The following GOLGA3 variants were observed in gnomAD, a reference collection of about 807,000 sequenced individuals.
The protein encoded by GOLGA3 is golgin A3.
Under a neutral mutation model 169.4 loss-of-function variants are expected in GOLGA3, and 75 were observed. That is an observed-to-expected ratio of 0.44 (90% CI 0.37 to 0.54). The LOEUF is 0.54. GOLGA3 is among the 20% of genes least tolerant of loss of function. The pLI, the probability that GOLGA3 is intolerant of heterozygous loss-of-function variation, is 0.00. For missense variants in GOLGA3, 1,899 were observed against 1,930.0 expected, an observed-to-expected ratio of 0.98 and a Z score of 0.30; for synonymous variants, 824 against 822.4, an observed-to-expected ratio of 1.00 and a Z score of -0.03.
intron 1 of GOLGA3, among the ~76,000 whole-genome samples, chr12:132,825,201 G>C (rs906348325): frequency 6.6e-6 from 1 of 151,870 alleles, no homozygotes; most frequent in African/African-American, 2.4e-5. Flanking sequence ...GTGTGCCTAC[G>C]CGTGCAGACC....
rs373910510 is a variant in GOLGA3, at chr12:132,821,989, G to T, written c.133+7C>A. The T allele has an allele frequency of 1.8e-5, 29 of 1,593,060 alleles. No individual in the cohort carries two copies. In the African/African-American group the frequency reaches 3.6e-4, roughly 20 times the overall value. On this transcript the variant is annotated splice_region_variant and intron_variant, in intron 2 of 23. Coordinates refer to ENST00000450791, the MANE Select transcript of GOLGA3 (RefSeq NM_001389683.1). ...TGACCAGCACACAGAGGAACCTCAC[G>T]ACTTACACTGGACTTTGTCCTGCTG...
At chr12:132,805,918 C>CA (rs148381921) in intron 6 of GOLGA3, among the ~76,000 whole-genome samples, 3,538 of 152,158 alleles carry the variant, frequency 0.023, 88 homozygotes, top group Admixed American at 0.043. Context: ...GGGAAATGGG[C>CA]AAAAAACACA....
In GOLGA3 at chr12:132,777,845, C is replaced by T. The variant is rs201012613; in HGVS notation, c.3583-40G>A. On this transcript the variant is annotated intron_variant, in intron 18 of 23. Transcript: ENST00000450791. The surrounding 1 kb of genome is among the most constrained non-coding windows in gnomAD (Gnocchi z 4.7). ...GCCACGTTGTCCATGCCCTGCGTGA[C>T]ACCCACAGCTTTATGACGTGCCGGG... 851 of 1,608,388 alleles carry T rather than the reference C, an allele frequency of 5.3e-4. 1 individual carries two copies. Among genetic ancestry groups the T allele is most frequent in the Non-Finnish European group, 6.5e-4 (766 of 1,177,368 alleles).
At chr12:132,783,674 T>G (rs1382237045) in intron 16 of GOLGA3, among the ~76,000 whole-genome samples, 1 of 152,078 alleles carries the variant, frequency 6.6e-6, no homozygotes, top group African/African-American at 2.4e-5. Context: ...CGCTCCTGGG[T>G]TCAAGCGGTT....
Position 132,822,176 on chromosome 12 carries a change from C to T in GOLGA3, c.-48G>A, listed in dbSNP as rs1226309501. On this transcript the variant is annotated 5_prime_UTR_variant, in exon 2 of 24. Transcript: ENST00000450791. The stretch of plus-strand genomic sequence containing the variant: ...CTGACGCTGAGGGGCTACAAGTGAA[C>T]CTTGGACAAGCTTGGCTTCTGCCAT... 1.9e-6 allele frequency: 3 copies of T among 1,565,848 alleles called. No homozygotes were observed. Among genetic ancestry groups the T allele is most frequent in the Non-Finnish European group, 2.6e-6 (3 of 1,164,332 alleles).
At chr12:132,787,546 C>T (rs1225049814) in intron 13 of GOLGA3, among the ~76,000 whole-genome samples, 1 of 140,398 alleles carries the variant, frequency 7.1e-6, no homozygotes, top group Non-Finnish European at 1.6e-5. Flanking sequence ...ACCCCTCCCC[C>T]AGAGCCCCCA....
At position 132,806,390 on chromosome 12, in the gene GOLGA3, C is replaced by A. The variant is rs970757767; in HGVS notation, c.1290+787G>T. 2.6e-5 allele frequency among the ~76,000 whole-genome samples: 4 copies of A among 152,222 alleles called. No individual in the cohort carries two copies. In the South Asian group the frequency reaches 8.3e-4, roughly 32 times the overall value. ...GTGACGACCGTACAACCAGAATTAGCCTCAAAACAGCCGAAATCACCTCTT... is the reference window on the plus strand; with the variant it reads ...GTGACGACCGTACAACCAGAATTAGACTCAAAACAGCCGAAATCACCTCTT... On this transcript the variant is annotated intron_variant, in intron 6 of 23. Transcript: ENST00000450791.
At chr12:132,812,224 TATATA>T (rs760921812) in intron 4 of GOLGA3, among the ~76,000 whole-genome samples, 6 of 128,406 alleles carry the variant, frequency 4.7e-5, no homozygotes, top group East Asian at 2.1e-4. Context: ...TATATATATA[TATATA>T]TTTTTTTTAA....
rs754076966 is a variant in GOLGA3 at position 132,807,168 on chromosome 12, G to A, written c.1290+9C>T. 38 of 1,559,002 alleles carry A rather than the reference G, an allele frequency of 2.4e-5. No individual in the cohort carries two copies. Among genetic ancestry groups the A allele is most frequent in the African/African-American group, 6.8e-5 (5 of 73,992 alleles). On this transcript the variant is annotated intron_variant, in intron 6 of 23. Transcript: ENST00000450791. ...CCGCACGCTGAGATGTCAGTCGAAC[G>A]TCCGTTACCTGACTCGCCTCCAGTG...
At chr12:132,788,929 CCAGACACAGG>C in intron 13 of GOLGA3, 88 bp downstream of exon 13, 1 of 1,000,216 alleles carries the variant, frequency 1.0e-6, no homozygotes. Context: ...AGACCCCGCC[CCAGACACAGG>C]CCCCGCCCCA....
intron 15 of GOLGA3, among the ~76,000 whole-genome samples, chr12:132,785,125 C>T (rs184898171): frequency 1.4e-4 from 22 of 152,298 alleles, no homozygotes; most frequent in Admixed American, 3.3e-4. Flanking sequence ...GGGTGAAGCC[C>T]GGACGGACAC....
Position 132,804,204 on chromosome 12 carries a change from G to A in GOLGA3, c.1597+512C>T, listed in dbSNP as rs11611651. On this transcript the variant is annotated intron_variant, in intron 7 of 23. Transcript: ENST00000450791. This position sits in a 1 kb window ranked among gnomAD's most constrained non-coding sequence, Gnocchi z 4.1. Reference sequence around the variant, plus strand: ...AAAAGGTTGCCAGACGGACAGTCAAGGAGCTGTTCTTGAATATTTTAAATG... The same window carrying A: ...AAAAGGTTGCCAGACGGACAGTCAAAGAGCTGTTCTTGAATATTTTAAATG... Among the ~76,000 whole-genome samples, 9,031 of 152,312 alleles carry A rather than the reference G, an allele frequency of 0.059. 368 individuals carry two copies. Among genetic ancestry groups the A allele is most frequent in the East Asian group, 0.14 (714 of 5,178 alleles).
chr12:132,801,162 C>T (rs1368129127), intron 8 of GOLGA3, among the ~76,000 whole-genome samples: 2 of 152,206 alleles, frequency 1.3e-5, no homozygotes, highest in African/African-American at 4.8e-5. Flanking sequence ...CCCACATATG[C>T]GGGACCAAGC....
chr12:132,773,310 G>A lies in GOLGA3; in HGVS notation c.4308-16C>T. 1.5e-6 allele frequency: 2 copies of A among 1,353,992 alleles called. No homozygotes were observed. Among genetic ancestry groups the A allele is most frequent in the East Asian group, 2.9e-5 (1 of 34,948 alleles). The allele number at this position is 1,353,992 out of a possible 1,614,324, so 83.9% of individuals were successfully genotyped here. On this transcript the variant is annotated splice_polypyrimidine_tract_variant and intron_variant, in intron 23 of 23. Transcript: ENST00000450791. Reference sequence around the variant, plus strand: ...CATCTCCTGCCTGGGACAGAAGAAGGAGGAAGAAGGCCCAGATCACACAAG... The same window carrying A: ...CATCTCCTGCCTGGGACAGAAGAAGAAGGAAGAAGGCCCAGATCACACAAG...
chr12:132,792,225 T>C, intron 11 of GOLGA3, among the ~76,000 whole-genome samples: 1 of 152,128 alleles, frequency 6.6e-6, no homozygotes, highest in East Asian at 1.9e-4. Flanking sequence ...ACTGACAGCA[T>C]GAAGGCACAG....
At chr12:132,820,782 A>G (rs1566146558) in intron 2 of GOLGA3, among the ~76,000 whole-genome samples, 1 of 152,088 alleles carries the variant, frequency 6.6e-6, no homozygotes, top group Non-Finnish European at 1.5e-5. Flanking sequence ...TAGCTATTAC[A>G]AATTCAGCAA....
rs5801992 is a variant in GOLGA3 at position 132,798,179 on chromosome 12, T to TGGGG, written c.1938+157_1938+160dup. ...GCCCCCACAGGTGAGGGATGAGGGGTGGGGGGGGGGTCCCAAAGCCTTAAC... is the reference window on the plus strand; with the variant it reads ...GCCCCCACAGGTGAGGGATGAGGGGTGGGGGGGGGGGGGGTCCCAAAGCCTTAAC... On this transcript the variant is annotated intron_variant, in intron 9 of 23. Transcript: ENST00000450791. 1.9e-4 allele frequency among the ~76,000 whole-genome samples: 7 copies of TGGGG among 37,832 alleles called. 1 individual carries two copies. Among genetic ancestry groups the TGGGG allele is most frequent in the Admixed American group, 1.1e-3 (3 of 2,650 alleles). 24.8% of individuals were successfully genotyped at this position (37,832 alleles called of 152,430 possible). A position where few individuals can be genotyped will look rare whatever the true frequency, so the allele number is the denominator to read the frequency against.
In GOLGA3 at chr12:132,776,727, C is replaced by G; in HGVS notation, c.3885G>C (p.Gln1295His). The change falls in exon 21 of 24, where the codon CAG (glutamine) becomes CAC (histidine). Residue 1295 changes from glutamine to histidine, a missense_variant. Transcript: ENST00000450791. The stretch of plus-strand genomic sequence containing the variant: ...TCAAGGACTGGATTTCTCTTTCTTT[C>G]TGATCCACCTCCCATTTGAGATTTT... ...EMENLKWEVD[Q>H]KEREIQSLKQ... 1 of 1,614,114 alleles carries G rather than the reference C, an allele frequency of 6.2e-7. No homozygotes were observed. The highest frequency in any genetic ancestry group is 8.5e-7 in the Non-Finnish European group (1 of 1,180,016).
At chr12:132,810,836 C>T (rs1181349240) in intron 4 of GOLGA3, among the ~76,000 whole-genome samples, 3 of 152,220 alleles carry the variant, frequency 2.0e-5, no homozygotes, top group East Asian at 3.8e-4. Context: ...CACAGTTATC[C>T]GGAGGCCTAA....
Sources: allele counts gnomAD v4.1 joint callset (sites outside exome capture counted in the v4.1 genomes callset), GRCh38; gene constraint gnomAD v4.1.1; non-coding constraint Gnocchi (gnomAD v3.1); transcripts MANE v1.5; gene names NCBI Gene and HGNC (gene_info 2026-07-23, HGNC 2026-07-21).